The following ANK2 variants were observed in gnomAD, a reference collection of about 807,000 sequenced individuals.
ANK2 encodes the protein ankyrin-2.
Under a neutral mutation model 360.5 loss-of-function variants are expected in ANK2, and 83 were observed. The ratio of observed to expected loss-of-function variants is 0.23; its 90% CI spans 0.19 to 0.28. The LOEUF is 0.28. Among genes scored for constraint, ANK2 ranks in the 10% least tolerant of loss-of-function variants. The probability of loss-of-function intolerance (pLI) is 1.00; values close to 1 mark genes in which losing one functional copy is unlikely to be tolerated. For missense variants in ANK2, 4,201 were observed against 4,795.7 expected (o/e 0.88, Z 3.66); for synonymous variants, 1,740 against 1,759.5 (o/e 0.99, Z 0.28).
chr4:113,064,782 A>T (rs55956877), intron 1 of ANK2, among the ~76,000 whole-genome samples: 1 of 125,574 alleles, frequency 8.0e-6, no homozygotes. Flanking sequence ...CTTCTAACAA[A>T]AATGTTAGAA....
At chr4:112,779,073 G>GT in the ANK2 span, among the ~76,000 whole-genome samples, 1 of 152,168 alleles carries the variant, frequency 6.6e-6, no homozygotes, top group Admixed American at 6.6e-5. Context: ...TCATCATTCA[G>GT]TTTGAGCGAT....
In ANK2 at chr4:113,292,469, C is replaced by G. The variant is rs1315499422; in HGVS notation, c.2331C>G (p.Ile777Met). Reference protein sequence around the residue: ...QAAQQGHTHIINVLLQHGAKP... With the variant: ...QAAQQGHTHIMNVLLQHGAKP... ...CTCAGCAGGGTCACACGCACATCAT[C>G]AACGTCCTGCTCCAGCATGGGGCCA... Residue 777 changes from isoleucine to methionine, a missense_variant, in exon 21 of 46, where the codon ATC (isoleucine) becomes ATG (methionine). Ile to Met is a conservative substitution (Grantham distance 10). Transcript: ENST00000357077. 1 of 1,611,994 alleles carries G rather than the reference C, an allele frequency of 6.2e-7. No homozygotes were observed. Among genetic ancestry groups the G allele is most frequent in the East Asian group, 2.2e-5 (1 of 44,788 alleles).
intron 2 of ANK2, among the ~76,000 whole-genome samples, chr4:112,913,080 C>T (rs189080123): frequency 1.6e-4 from 24 of 151,904 alleles, no homozygotes; most frequent in East Asian, 5.8e-4. Flanking sequence ...CCTATGTAAC[C>T]GTAAAAAAAC....
intron 1 of ANK2, among the ~76,000 whole-genome samples, chr4:113,069,643 C>G (rs1205559527): frequency 1.3e-5 from 2 of 152,150 alleles, no homozygotes; most frequent in African/African-American, 4.8e-5. Flanking sequence ...TTTATTGCAC[C>G]ATCATTGATA....
chr4:113,298,908 AT>A (rs1411755941), intron 22 of ANK2, among the ~76,000 whole-genome samples: 2 of 152,220 alleles, frequency 1.3e-5, no homozygotes, highest in African/African-American at 2.4e-5. Flanking sequence ...TTCTTGTTAC[AT>A]TATACATATG....
the ANK2 span, among the ~76,000 whole-genome samples, chr4:112,745,786 G>A: frequency 6.6e-6 from 1 of 151,912 alleles, no homozygotes; most frequent in Admixed American, 6.6e-5. Flanking sequence ...ACCTGCCCTG[G>A]CCTCCCAAAG....
At chr4:112,904,311 C>T in intron 1 of ANK2, 1 of 458,264 alleles carries the variant, frequency 2.2e-6, no homozygotes, top group Admixed American at 4.5e-5. Flanking sequence ...TGCTCTTTTG[C>T]ATTTATAATA....
In ANK2 at chr4:113,021,541, C is replaced by CACACACACACATATATATAT. The variant is rs1489947974; in HGVS notation, c.21+117028_21+117029insCACACACACATATATATATA. Among the ~76,000 whole-genome samples the CACACACACACATATATATAT allele has an allele frequency of 1.2e-3, 111 of 95,626 alleles. 3 individuals carry two copies. The highest frequency in any genetic ancestry group is 2.6e-3 in the African/African-American group (67 of 26,174). 62.7% of individuals were successfully genotyped at this position (95,626 alleles called of 152,430 possible). A position where few individuals can be genotyped will look rare whatever the true frequency, so the allele number is the denominator to read the frequency against. On this transcript the variant is annotated intron_variant, in intron 2 of 30. Coordinates refer to the ANK2 transcript ENST00000503271. ...ATACACACACACACCCACACACAAA[C>CACACACACACATATATATAT]ATATATATATATATATATATATATA...
the ANK2 span, among the ~76,000 whole-genome samples, chr4:112,724,629 A>G: frequency 6.6e-6 from 1 of 151,942 alleles, no homozygotes; most frequent in African/African-American, 2.4e-5. Context: ...TACTATCAAA[A>G]CAAAACAAAA....
intron 2 of ANK2, among the ~76,000 whole-genome samples, chr4:112,965,303 T>C (rs1032930104): frequency 5.9e-5 from 9 of 152,220 alleles, no homozygotes; most frequent in African/African-American, 1.9e-4. Context: ...ATGTCTTCTT[T>C]TGAGAAATGT....
Position 113,357,253 on chromosome 4 carries a change from A to C in ANK2, c.8635A>C (p.Thr2879Pro). 1 of 1,614,030 alleles carries C rather than the reference A, an allele frequency of 6.2e-7. No homozygotes were observed. Among genetic ancestry groups the C allele is most frequent in the Non-Finnish European group, 8.5e-7 (1 of 1,179,982 alleles). ...TATTCAAAAAACAGAGGTCACAAAA[A>C]CTGATGAAACATTTGAGAACTTACC... Reference protein sequence around the residue: ...SSIQKTEVTKTDETFENLPKD... With the variant: ...SSIQKTEVTKPDETFENLPKD... The change falls in exon 38 of 46, where the codon ACT becomes CCT. Residue 2879 changes from threonine (T) to proline (P), a missense_variant. Thr to Pro is a conservative substitution (Grantham distance 38, BLOSUM62 -1). Coordinates refer to ENST00000357077, the MANE Select transcript of ANK2 (RefSeq NM_001148.6).
the ANK2 span, among the ~76,000 whole-genome samples, chr4:112,812,973 C>A: frequency 6.6e-6 from 1 of 152,072 alleles, no homozygotes; most frequent in African/African-American, 2.4e-5. Context: ...GGCGCGGTGG[C>A]TCATACCTGT....
chr4:113,129,207 A>G (rs4834316), intron 1 of ANK2, among the ~76,000 whole-genome samples: 29,634 of 152,178 alleles, frequency 0.19, 3,628 homozygotes, highest in East Asian at 0.51. Flanking sequence ...AGATTTTTTT[A>G]TAGTAGAATT....
At chr4:112,783,893 A>C in the ANK2 span, among the ~76,000 whole-genome samples, 2 of 151,528 alleles carry the variant, frequency 1.3e-5, no homozygotes. Context: ...TCGTGATCCG[A>C]CCACCTCAGC....
At chr4:112,970,468 C>T (rs1447389101) in intron 2 of ANK2, among the ~76,000 whole-genome samples, 1 of 152,134 alleles carries the variant, frequency 6.6e-6, no homozygotes, top group Non-Finnish European at 1.5e-5. Flanking sequence ...AATTCTCCTG[C>T]CTCAGCCTCC....
chr4:112,809,612 T>G, the ANK2 span, among the ~76,000 whole-genome samples: 1 of 146,516 alleles, frequency 6.8e-6, no homozygotes, highest in Non-Finnish European at 1.5e-5. Flanking sequence ...CCAGGCACAG[T>G]GGATCACACC....
intron 23 of ANK2, among the ~76,000 whole-genome samples, chr4:113,303,237 T>C (rs1322295009): frequency 6.6e-6 from 1 of 152,206 alleles, no homozygotes; most frequent in Non-Finnish European, 1.5e-5. Flanking sequence ...GTATACTCCA[T>C]CAATGAGTGT....
At chr4:113,370,098 C>A (rs1045784829) in intron 43 of ANK2, among the ~76,000 whole-genome samples, 6 of 152,112 alleles carry the variant, frequency 3.9e-5, no homozygotes, top group Non-Finnish European at 8.8e-5. Context: ...TCTGGAGGAG[C>A]TTTTCAAAAT....
chr4:113,352,713 C>A (rs1380235827), intron 37 of ANK2, among the ~76,000 whole-genome samples: 1 of 151,584 alleles, frequency 6.6e-6, no homozygotes, highest in South Asian at 2.1e-4. Context: ...TGTAATTTCA[C>A]TGCGTTCTTT....
Sources: allele counts gnomAD v4.1 joint callset (sites outside exome capture counted in the v4.1 genomes callset), GRCh38; gene constraint gnomAD v4.1.1; transcripts MANE v1.5; gene names NCBI Gene and HGNC (gene_info 2026-07-23, HGNC 2026-07-21).